The following ANO10 variants were observed in gnomAD, a reference collection of about 807,000 sequenced individuals.
ANO10 encodes the protein anoctamin-10.
Under a neutral mutation model 74.7 loss-of-function variants are expected in ANO10, and 77 were observed. The ratio of observed to expected loss-of-function variants is 1.03; its 90% confidence interval spans 0.86 to 1.25. The LOEUF is 1.25. Among genes scored for constraint, ANO10 ranks in the 50% most tolerant of loss-of-function variants. The probability of loss-of-function intolerance (pLI) is 0.00; values close to 1 mark genes in which losing one functional copy is unlikely to be tolerated. For missense variants in ANO10, 721 were observed against 778.1 expected, an observed-to-expected ratio of 0.93 and a Z score of 0.87; for synonymous variants, 279 against 284.9, an observed-to-expected ratio of 0.98 and a Z score of 0.21.
chr3:43,441,256 C>T (rs1048091212), intron 11 of ANO10, among the ~76,000 whole-genome samples: 5 of 150,168 alleles, frequency 3.3e-5, no homozygotes, highest in African/African-American at 7.3e-5. Flanking sequence ...GTTGGTCTTT[C>T]GAAAAGATCA....
chr3:43,635,920 A>G (rs2083604439), intron 1 of ANO10, among the ~76,000 whole-genome samples: 1 of 152,064 alleles, frequency 6.6e-6, no homozygotes, highest in African/African-American at 2.4e-5. Flanking sequence ...TGCCCGGCCC[A>G]GCTCTGATAT....
chr3:43,660,602 A>G (rs2083914648), intron 1 of ANO10, among the ~76,000 whole-genome samples: 1 of 152,216 alleles, frequency 6.6e-6, no homozygotes, highest in Non-Finnish European at 1.5e-5. Flanking sequence ...CTATGTGAAA[A>G]GACCAAATCT....
intron 1 of ANO10, among the ~76,000 whole-genome samples, chr3:43,668,469 C>T (rs1057166515): frequency 2.6e-5 from 4 of 152,022 alleles, no homozygotes; most frequent in African/African-American, 9.7e-5. Flanking sequence ...GTTGCATTTG[C>T]TTTGGGGGTC....
chr3:43,405,472 T>G (rs901944012), intron 12 of ANO10, among the ~76,000 whole-genome samples: 1 of 152,204 alleles, frequency 6.6e-6, no homozygotes, highest in Non-Finnish European at 1.5e-5. Flanking sequence ...GGCAAATTAT[T>G]CAACTGTAGT....
chr3:43,451,461 T>C (rs745981374), intron 11 of ANO10, among the ~76,000 whole-genome samples: 7 of 152,230 alleles, frequency 4.6e-5, no homozygotes, highest in Non-Finnish European at 8.8e-5. Flanking sequence ...CAAGTGTTGA[T>C]TCTCAAGAGC....
At chr3:43,385,518 T>A (rs374786981) in intron 12 of ANO10, among the ~76,000 whole-genome samples, 1 of 152,072 alleles carries the variant, frequency 6.6e-6, no homozygotes, top group East Asian at 1.9e-4. Flanking sequence ...CAAATGCCCA[T>A]CAACCAACGA....
Position 43,507,910 on chromosome 3 carries a change from T to C in ANO10, c.1797+41810A>G, listed in dbSNP as rs557736298. Among the ~76,000 whole-genome samples the C allele has an allele frequency of 1.8e-3, 277 of 151,964 alleles. 1 individual carries two copies. Among genetic ancestry groups the C allele is most frequent in the African/African-American group, 6.3e-3 (263 of 41,464 alleles). ...CAACAAATACTTGCAAAAAATGTCA[T>C]CAAACAAAAAGGAAATGTTCTAGGT... On this transcript the variant is annotated intron_variant, in intron 11 of 12. Coordinates refer to ENST00000292246, the MANE Select transcript of ANO10 (RefSeq NM_018075.5).
intron 11 of ANO10, among the ~76,000 whole-genome samples, chr3:43,533,549 T>G (rs1412754292): frequency 1.3e-5 from 2 of 152,210 alleles, no homozygotes; most frequent in East Asian, 1.9e-4. Flanking sequence ...TTTTAAAAAC[T>G]TTAATAAATG....
intron 1 of ANO10, chr3:43,689,175 C>T (rs994868276): frequency 6.6e-6 from 1 of 152,218 alleles, no homozygotes; most frequent in East Asian, 1.9e-4. Context: ...CAAACCCCAC[C>T]TCTAACACTG....
chr3:43,416,749 C>A (rs13061553), intron 12 of ANO10, among the ~76,000 whole-genome samples: 28,803 of 152,116 alleles, frequency 0.19, 3,216 homozygotes, highest in Middle Eastern at 0.35. Flanking sequence ...TTCATGGTTA[C>A]CCTGAAAATC....
chr3:43,522,828 T>C (rs989909424), intron 11 of ANO10, among the ~76,000 whole-genome samples: 9 of 152,158 alleles, frequency 5.9e-5, no homozygotes, highest in African/African-American at 1.7e-4. Context: ...CACAACACCA[T>C]TGGCATAGCA....
chr3:43,646,120 A>C (rs1250446739), intron 1 of ANO10, among the ~76,000 whole-genome samples: 3 of 152,166 alleles, frequency 2.0e-5, no homozygotes, highest in African/African-American at 4.8e-5. Context: ...TACCTGTTTT[A>C]AGTAGCTTAG....
At chr3:43,691,003 A>G in intron 1 of ANO10, 1 of 1,561,032 alleles carries the variant, frequency 6.4e-7, no homozygotes, top group Non-Finnish European at 8.6e-7. Context: ...ATGGCGGCGG[A>G]GGAGGAGGAG....
At chr3:43,687,849 A>G (rs1169639780) in intron 1 of ANO10, among the ~76,000 whole-genome samples, 1 of 152,144 alleles carries the variant, frequency 6.6e-6, no homozygotes, top group Non-Finnish European at 1.5e-5. Context: ...CTGGGGGTAT[A>G]GGTTGCAATG....
At position 43,366,741 on chromosome 3, in the gene ANO10, C is replaced by T. The variant is rs951493321; in HGVS notation, c.*165G>A. Reference sequence around the variant, plus strand: ...CCAAGGATCCCGAGCCAAGCCACTGCGAAACTGAGAAGGGTGCTTGCCACA... The same window carrying T: ...CCAAGGATCCCGAGCCAAGCCACTGTGAAACTGAGAAGGGTGCTTGCCACA... On this transcript the variant is annotated 3_prime_UTR_variant, in exon 13 of 13. Transcript: ENST00000292246. The T allele has an allele frequency of 3.3e-4, 235 of 720,372 alleles. 1 individual carries two copies. Among genetic ancestry groups the T allele is most frequent in the Admixed American group, 2.6e-3 (123 of 47,446 alleles). The allele number at this position is 720,372 out of a possible 1,614,324, so 44.6% of individuals were successfully genotyped here.
At chr3:43,420,755 C>A (rs184930819) in intron 12 of ANO10, among the ~76,000 whole-genome samples, 1 of 152,114 alleles carries the variant, frequency 6.6e-6, no homozygotes, top group Non-Finnish European at 1.5e-5. Flanking sequence ...TGAAAAAAGG[C>A]ACAAAGGGAT....
At chr3:43,690,800 G>A in intron 1 of ANO10, 1 of 472,094 alleles carries the variant, frequency 2.1e-6, no homozygotes, top group Middle Eastern at 5.6e-4. Flanking sequence ...ATGCTGGCTG[G>A]GGATGGCGGA....
chr3:43,477,745 G>T (rs941740113), intron 11 of ANO10, among the ~76,000 whole-genome samples: 1 of 152,162 alleles, frequency 6.6e-6, no homozygotes, highest in African/African-American at 2.4e-5. Flanking sequence ...TAGCACACAG[G>T]AAGACGCGAA....
chr3:43,534,474 A>G (rs978361927), intron 11 of ANO10, among the ~76,000 whole-genome samples: 1 of 148,318 alleles, frequency 6.7e-6, no homozygotes, highest in Non-Finnish European at 1.5e-5. Context: ...ACGTGCGCGC[A>G]TGAGAGAGAG....
Sources: gnomAD v4.1 joint callset for allele counts (sites outside exome capture counted in the v4.1 genomes callset) on GRCh38, gnomAD v4.1.1 for gene constraint, MANE v1.5 for transcripts, NCBI Gene and HGNC (gene_info 2026-07-23, HGNC 2026-07-21) for gene names.